The following ZNF385D variants were observed in gnomAD, a reference collection of about 807,000 sequenced individuals.
The protein encoded by ZNF385D is zinc finger protein 385D, also known as zinc finger protein 659.
In ZNF385D, 15 loss-of-function variants were observed where a neutral mutation model predicts 35.8. The observed-to-expected ratio is 0.42, with a 90% CI of 0.28 to 0.64. The LOEUF (loss-of-function observed/expected upper bound fraction) is 0.64. ZNF385D is among the 30% of genes least tolerant of loss of function. ZNF385D has a pLI of 0.23. For synonymous variants in ZNF385D, 212 were observed against 186.8 expected, an observed-to-expected ratio of 1.13 and a Z score of -1.10; for missense variants, 474 against 494.6, an observed-to-expected ratio of 0.96 and a Z score of 0.39.
chr3:21,849,185 T>A (rs1696210925), intron 3 of ZNF385D, among the ~76,000 whole-genome samples: 3 of 152,116 alleles, frequency 2.0e-5, no homozygotes, highest in Non-Finnish European at 2.9e-5. Flanking sequence ...CTACATATTA[T>A]AAGTCTTGAA....
rs535636508 is a variant in ZNF385D, at chr3:22,343,529, A to T, written c.106+28921T>A. 1.3e-3 allele frequency among the ~76,000 whole-genome samples: 198 copies of T among 152,338 alleles called. 1 individual carries two copies. The highest frequency in any genetic ancestry group is 2.4e-3 in the Non-Finnish European group (165 of 68,028). On this transcript the variant is annotated intron_variant, in intron 2 of 5. Coordinates refer to the ZNF385D transcript ENST00000494108. ...GTAGCAGCACTTGTCCAGTGGCAGC[A>T]GTGTCCGTGGCAACAGCAAGAGAGA...
upstream of ZNF385D, among the ~76,000 whole-genome samples, chr3:21,752,911 T>C (rs140813898): frequency 4.9e-3 from 742 of 152,294 alleles, 10 homozygotes; most frequent in African/African-American, 0.017. Context: ...TGGTAGAGCT[T>C]ATTCATGAAG....
chr3:21,789,915 G>A (rs893355965), intron 3 of ZNF385D, among the ~76,000 whole-genome samples: 1 of 152,142 alleles, frequency 6.6e-6, no homozygotes, highest in East Asian at 1.9e-4. Context: ...AGAATATTGG[G>A]TAAGGGGATG....
At chr3:21,932,194 A>AAAAAT (rs1701047571) in intron 3 of ZNF385D, among the ~76,000 whole-genome samples, 2 of 140,808 alleles carry the variant, frequency 1.4e-5, no homozygotes, top group African/African-American at 5.2e-5. Context: ...AAAAAAAAAA[A>AAAAAT]GTGTGACTTG....
chr3:21,504,745 G>A (rs1025439111), intron 4 of ZNF385D, among the ~76,000 whole-genome samples: 14 of 152,128 alleles, frequency 9.2e-5, no homozygotes, highest in African/African-American at 3.4e-4. Context: ...GAAAAACAAG[G>A]TGTGCCTCTA....
intron 3 of ZNF385D, among the ~76,000 whole-genome samples, chr3:22,167,731 C>CT (rs1329676641): frequency 6.6e-6 from 1 of 152,200 alleles, no homozygotes; most frequent in Non-Finnish European, 1.5e-5. Context: ...TCCTGTGTCA[C>CT]TAGGTTTATC....
At chr3:21,681,070 A>C (rs1346568056) in intron 1 of ZNF385D, among the ~76,000 whole-genome samples, 1 of 152,060 alleles carries the variant, frequency 6.6e-6, no homozygotes, top group Non-Finnish European at 1.5e-5. Flanking sequence ...AGTCTGGGCT[A>C]GGTCTCAACT....
intron 5 of ZNF385D, among the ~76,000 whole-genome samples, chr3:21,435,296 C>T (rs1014221686): frequency 3.3e-4 from 42 of 127,124 alleles, no homozygotes; most frequent in African/African-American, 1.2e-3. Flanking sequence ...GTCTCACTGT[C>T]AGCCAGGCTG....
chr3:22,116,173 TAGAG>T (rs1222786415), intron 3 of ZNF385D, among the ~76,000 whole-genome samples: 1 of 152,086 alleles, frequency 6.6e-6, no homozygotes, highest in Non-Finnish European at 1.5e-5. Flanking sequence ...TATTTAAAAT[TAGAG>T]AGCTTTTAGA....
Position 22,262,287 on chromosome 3 carries a change from G to A in ZNF385D, c.107-93252C>T, listed in dbSNP as rs144107955. 6.3e-3 allele frequency among the ~76,000 whole-genome samples: 950 copies of A among 151,956 alleles called. 3 individuals carry two copies. Among genetic ancestry groups the A allele is most frequent in the Non-Finnish European group, 8.3e-3 (566 of 67,934 alleles). ...TAGAGGCCTTGGGGTCTAAAGTCAT[G>A]AGAACATTTAGGAAAATGTTCCAAG... On this transcript the variant is annotated intron_variant, in intron 2 of 5. Coordinates refer to the ZNF385D transcript ENST00000494108.
chr3:21,511,896 C>A, intron 3 of ZNF385D: 1 of 423,930 alleles, frequency 2.4e-6, no homozygotes, highest in Non-Finnish European at 4.7e-6. Flanking sequence ...TGACTGTAAT[C>A]CAAGCACTTT....
chr3:21,523,109 T>C (rs1708021372), intron 3 of ZNF385D, among the ~76,000 whole-genome samples: 1 of 152,222 alleles, frequency 6.6e-6, no homozygotes, highest in African/African-American at 2.4e-5. Context: ...GGTAGTGAGC[T>C]GAAGGCTTGA....
intron 1 of ZNF385D, among the ~76,000 whole-genome samples, chr3:21,706,748 A>G (rs1310349772): frequency 6.6e-6 from 1 of 152,198 alleles, no homozygotes; most frequent in Non-Finnish European, 1.5e-5. Context: ...AAGGTAACAG[A>G]GCACCACATC....
chr3:21,993,486 T>C (rs1393486056), intron 3 of ZNF385D, among the ~76,000 whole-genome samples: 6 of 152,178 alleles, frequency 3.9e-5, no homozygotes, highest in Non-Finnish European at 8.8e-5. Flanking sequence ...CATAAGCACA[T>C]TTAACTATCA....
chr3:22,075,806 C>T (rs1304788356), intron 3 of ZNF385D, among the ~76,000 whole-genome samples: 1 of 151,946 alleles, frequency 6.6e-6, no homozygotes, highest in Non-Finnish European at 1.5e-5. Flanking sequence ...TTCTCCTTTG[C>T]AAACCGCAGG....
chr3:22,212,903 G>T (rs1264769064), intron 2 of ZNF385D, among the ~76,000 whole-genome samples: 2 of 151,848 alleles, frequency 1.3e-5, no homozygotes, highest in Non-Finnish European at 2.9e-5. Context: ...CAGCCAAATT[G>T]ATAACCTTAA....
chr3:22,203,127 T>A (rs1576489734), intron 2 of ZNF385D, among the ~76,000 whole-genome samples: 2 of 151,966 alleles, frequency 1.3e-5, no homozygotes, highest in Non-Finnish European at 2.9e-5. Context: ...CTCCAAAAGA[T>A]AACGTCCCCT....
At chr3:21,452,905 T>C (rs987575258) in intron 4 of ZNF385D, among the ~76,000 whole-genome samples, 2 of 151,774 alleles carry the variant, frequency 1.3e-5, no homozygotes, top group Non-Finnish European at 2.9e-5. Flanking sequence ...CAAAATGATA[T>C]TGAAAAAGAA....
At chr3:21,865,574 T>G (rs1697302547) in intron 3 of ZNF385D, among the ~76,000 whole-genome samples, 1 of 152,118 alleles carries the variant, frequency 6.6e-6, no homozygotes, top group African/African-American at 2.4e-5. Flanking sequence ...ACAAAATAAA[T>G]TTCAAAGCGT....
Sources: allele counts gnomAD v4.1 joint callset (sites outside exome capture counted in the v4.1 genomes callset), GRCh38; gene constraint gnomAD v4.1.1; transcripts MANE v1.5; gene names NCBI Gene and HGNC (gene_info 2026-07-23, HGNC 2026-07-21).